SWAP70: variants seen among roughly 807,000 people sequenced by gnomAD.
SWAP70 encodes switch-associated protein 70.
A neutral mutation model predicts 80.2 loss-of-function variants in SWAP70; 34 were observed. That is an observed-to-expected ratio of 0.42 (90% CI 0.32 to 0.56). The LOEUF (loss-of-function observed/expected upper bound fraction) is 0.56. SWAP70 is among the 20% of genes least tolerant of loss of function. The pLI is 0.09. For missense variants in SWAP70, 578 were observed against 690.7 expected (o/e 0.84, Z 1.83); for synonymous variants, 239 against 238.5 (o/e 1.00, Z -0.02).
intron 1 of SWAP70, among the ~76,000 whole-genome samples, chr11:9,671,016 G>A (rs970802230): frequency 1.3e-5 from 2 of 148,800 alleles, no homozygotes; most frequent in African/African-American, 4.9e-5. Context: ...GCCTCCCAAA[G>A]TGCTGGGAGT....
At chr11:9,715,708 C>G (rs778376725) in intron 3 of SWAP70, among the ~76,000 whole-genome samples, 3 of 152,178 alleles carry the variant, frequency 2.0e-5, no homozygotes, top group Non-Finnish European at 4.4e-5. Context: ...GAGACTTATT[C>G]GCTATTACGA....
chr11:9,678,846 T>C (rs1164232404), intron 1 of SWAP70, among the ~76,000 whole-genome samples: 3 of 152,098 alleles, frequency 2.0e-5, no homozygotes, highest in Non-Finnish European at 4.4e-5. Context: ...CTCGCTTCCT[T>C]AGTCCCTCTT....
At position 9,744,172 on chromosome 11, in the gene SWAP70, CG is replaced by C. The variant is rs547205339; in HGVS notation, c.1356-3683del. Among the ~76,000 whole-genome samples the C allele has an allele frequency of 2.5e-3, 383 of 152,210 alleles. 3 individuals are homozygous for C. Among genetic ancestry groups the C allele is most frequent in the African/African-American group, 8.8e-3 (364 of 41,550 alleles). ...AGAGACGGGGTTTAACCGTGTTAGC[CG>C]GGATGGTCTTGATCTCCTGACCTCG... On this transcript the variant is annotated intron_variant, in intron 9 of 11. Coordinates refer to ENST00000318950, the MANE Select transcript of SWAP70 (RefSeq NM_015055.4).
chr11:9,668,785 A>C (rs530449297), intron 1 of SWAP70, among the ~76,000 whole-genome samples: 31 of 152,334 alleles, frequency 2.0e-4, no homozygotes, highest in Admixed American at 1.4e-3. Context: ...GGGTATTCTA[A>C]AATATTTTTG....
chr11:9,687,576 G>C (rs1403969972), intron 1 of SWAP70, among the ~76,000 whole-genome samples: 1 of 152,180 alleles, frequency 6.6e-6, no homozygotes. Flanking sequence ...GGGTAAGTTG[G>C]TAAGTTATCC....
intron 2 of SWAP70, among the ~76,000 whole-genome samples, chr11:9,709,136 C>T (rs199793793): frequency 1.4e-5 from 2 of 141,380 alleles, no homozygotes; most frequent in Non-Finnish European, 3.1e-5. Context: ...ATTTTTTTTT[C>T]CCCCTCAGAC....
rs1407157073 is a variant in SWAP70 at position 9,732,515 on chromosome 11, TACACC to T, written c.899-13_899-9del. ...TATCTCCCCATTTTTTTTTTCCTCC[TACACC>T]TTTTACAGCCATTCATTCTACTATT... On this transcript the variant is annotated splice_polypyrimidine_tract_variant and intron_variant, in intron 6 of 11. Transcript: ENST00000318950. 1 of 1,597,510 alleles carries T rather than the reference TACACC, an allele frequency of 6.3e-7. No individual in the cohort carries two copies. The highest frequency in any genetic ancestry group is 8.5e-7 in the Non-Finnish European group (1 of 1,170,594).
At chr11:9,711,432 C>T (rs1850997182) in intron 2 of SWAP70, among the ~76,000 whole-genome samples, 1 of 152,018 alleles carries the variant, frequency 6.6e-6, no homozygotes, top group Non-Finnish European at 1.5e-5. Flanking sequence ...TGTCTAGCAT[C>T]TGAACTTTTT....
chr11:9,719,712 A>C (rs2649046), intron 3 of SWAP70, among the ~76,000 whole-genome samples: 49,717 of 152,026 alleles, frequency 0.33, 8,370 homozygotes, highest in Non-Finnish European at 0.35. Flanking sequence ...TTTTGTTAGA[A>C]TATATTCCTG....
At chr11:9,673,334 C>T (rs1850444240) in intron 1 of SWAP70, among the ~76,000 whole-genome samples, 1 of 152,140 alleles carries the variant, frequency 6.6e-6, no homozygotes, top group East Asian at 1.9e-4. Flanking sequence ...TTAAAGGATA[C>T]AAATAGACAG....
At chr11:9,706,880 A>G (rs1233897004) in intron 2 of SWAP70, among the ~76,000 whole-genome samples, 1 of 152,062 alleles carries the variant, frequency 6.6e-6, no homozygotes, top group Non-Finnish European at 1.5e-5. Context: ...TTAATAATAA[A>G]TACTTTGCAG....
intron 1 of SWAP70, among the ~76,000 whole-genome samples, chr11:9,687,576 G>A (rs1403969972): frequency 6.6e-6 from 1 of 152,180 alleles, no homozygotes; most frequent in African/African-American, 2.4e-5. Context: ...GGGTAAGTTG[G>A]TAAGTTATCC....
In SWAP70 at chr11:9,664,254, C is replaced by A; in HGVS notation, c.75C>A (p.Gly25=). Residue 25 remains glycine (G), a synonymous_variant, in exon 1 of 12, where the codon GGC becomes GGA. Coordinates refer to ENST00000318950, the MANE Select transcript of SWAP70 (RefSeq NM_015055.4). ...AFTALDQDHS[G]KVSKSQLKVL... ...CCGCACTCGACCAGGACCACAGCGGCAAGGTCTCCAAGTCCCAGCTCAAGG... is the reference window on the plus strand; with the variant it reads ...CCGCACTCGACCAGGACCACAGCGGAAAGGTCTCCAAGTCCCAGCTCAAGG... The A allele has an allele frequency of 6.3e-7, 1 of 1,586,608 alleles. No homozygotes were observed. The highest frequency in any genetic ancestry group is 8.6e-7 in the Non-Finnish European group (1 of 1,167,246).
intron 3 of SWAP70, chr11:9,720,573 T>TG: frequency 8.3e-6 from 6 of 718,636 alleles, no homozygotes; most frequent in Non-Finnish European, 1.0e-5. Flanking sequence ...CGTGTAGTCA[T>TG]ACTGCACACA....
At chr11:9,708,528 T>C (rs1308344087) in intron 2 of SWAP70, among the ~76,000 whole-genome samples, 6 of 152,268 alleles carry the variant, frequency 3.9e-5, no homozygotes, top group Admixed American at 3.9e-4. Context: ...GAGTTCTTCA[T>C]GTATTCTGTT....
intron 9 of SWAP70, chr11:9,740,573 G>A: frequency 1.8e-6 from 1 of 547,966 alleles, no homozygotes; most frequent in South Asian, 2.0e-5. Flanking sequence ...CTAAATAAGG[G>A]CCTATTTTAG....
At chr11:9,674,788 C>A (rs1276901312) in intron 1 of SWAP70, among the ~76,000 whole-genome samples, 2 of 151,416 alleles carry the variant, frequency 1.3e-5, no homozygotes, top group African/African-American at 4.9e-5. Context: ...CACGGTGAAA[C>A]CCCTTCTCTA....
At chr11:9,733,946 T>G (rs1851332582) in intron 7 of SWAP70, among the ~76,000 whole-genome samples, 1 of 152,220 alleles carries the variant, frequency 6.6e-6, no homozygotes, top group Admixed American at 6.5e-5. Flanking sequence ...TAAGATAGAT[T>G]ATTGCCAATA....
intron 4 of SWAP70, 94 bp downstream of exon 4, chr11:9,724,979 T>C (rs1851189676): frequency 2.2e-6 from 2 of 920,428 alleles, no homozygotes; most frequent in South Asian, 1.7e-5. Context: ...AAGTCACTTA[T>C]TTTCTTACAC....
Sources: gnomAD v4.1 joint callset for allele counts (sites outside exome capture counted in the v4.1 genomes callset) on GRCh38, gnomAD v4.1.1 for gene constraint, MANE v1.5 for transcripts, NCBI Gene and HGNC (gene_info 2026-07-23, HGNC 2026-07-21) for gene names.